The following ICA1 variants were observed in gnomAD, a reference collection of about 807,000 sequenced individuals.
The protein encoded by ICA1 is 69 kDa islet cell autoantigen.
Under a neutral mutation model 71.0 loss-of-function variants are expected in ICA1, and 40 were observed. The observed-to-expected ratio is 0.56, with a 90% confidence interval of 0.44 to 0.73. ICA1 has a LOEUF of 0.73. ICA1 is among the 30% of genes least tolerant of loss of function. The pLI, the probability that ICA1 is intolerant of heterozygous loss-of-function variation, is 0.00. For synonymous variants in ICA1, 207 were observed against 209.5 expected (o/e 0.99, Z 0.10); for missense variants, 578 against 576.5 (o/e 1.00, Z -0.03).
Position 8,114,162 on chromosome 7 carries a change from C to A in ICA1, c.1331-118G>T, listed in dbSNP as rs1033528907. 1.6e-4 allele frequency: 174 copies of A among 1,107,232 alleles called. No individual in the cohort carries two copies. The East Asian group carries it at 3.9e-3, about 25-fold the overall frequency. The allele number at this position is 1,107,232 out of a possible 1,614,324, so 68.6% of individuals were successfully genotyped here. On this transcript the variant is annotated intron_variant, in intron 13 of 13. Coordinates refer to ENST00000402384, the MANE Select transcript of ICA1 (RefSeq NM_001136020.3). Reference sequence around the variant, plus strand: ...GCAGATTGTTCAATCAGACAAATCCCTTTGCACTCTCTCTGACAATAGTTA... The same window carrying A: ...GCAGATTGTTCAATCAGACAAATCCATTTGCACTCTCTCTGACAATAGTTA...
rs566960918 is a variant in ICA1 at position 8,117,686 on chromosome 7, T to C, written c.1331-3642A>G. ...TGTGCTTAAAACTGTATCCTTTTATTGGCATACTCTCGTCACAGTGTTTTT... is the reference window on the plus strand; with the variant it reads ...TGTGCTTAAAACTGTATCCTTTTATCGGCATACTCTCGTCACAGTGTTTTT... On this transcript the variant is annotated intron_variant, in intron 13 of 13. Coordinates refer to ENST00000402384, the MANE Select transcript of ICA1 (RefSeq NM_001136020.3). 2.6e-5 allele frequency among the ~76,000 whole-genome samples: 4 copies of C among 152,342 alleles called. No homozygotes were observed. In the South Asian group the frequency reaches 8.3e-4, roughly 32 times the overall value.
chr7:8,256,342 C>G (rs1272917681), intron 1 of ICA1, among the ~76,000 whole-genome samples: 1 of 152,126 alleles, frequency 6.6e-6, no homozygotes, highest in Non-Finnish European at 1.5e-5. Flanking sequence ...AACACAGGCC[C>G]CTTTACATCC....
chr7:8,255,138 T>C (rs3807810), intron 1 of ICA1, among the ~76,000 whole-genome samples: 71,938 of 152,028 alleles, frequency 0.47, 19,380 homozygotes, highest in African/African-American at 0.74. Flanking sequence ...TTCTCTTTCA[T>C]GTTAATCAAC....
At chr7:8,157,023 A>C in intron 8 of ICA1, 93 bp downstream of exon 8, 1 of 1,608,508 alleles carries the variant, frequency 6.2e-7, no homozygotes, top group Non-Finnish European at 8.5e-7. Context: ...TGAGTCCTGG[A>C]ATAATGATGC....
chr7:8,135,563 G>C (rs1793125849), intron 12 of ICA1, among the ~76,000 whole-genome samples: 1 of 152,142 alleles, frequency 6.6e-6, no homozygotes, highest in Non-Finnish European at 1.5e-5. Context: ...AGTAATATAT[G>C]GACAACTGCA....
chr7:8,124,275 C>T (rs1165505160), intron 13 of ICA1, among the ~76,000 whole-genome samples: 2 of 151,812 alleles, frequency 1.3e-5, no homozygotes, highest in Non-Finnish European at 2.9e-5. Flanking sequence ...CACGCACCAG[C>T]ATGCCCAGCT....
At chr7:8,165,134 C>T (rs528580350) in intron 6 of ICA1, among the ~76,000 whole-genome samples, 1 of 152,270 alleles carries the variant, frequency 6.6e-6, no homozygotes, top group African/African-American at 2.4e-5. Context: ...TATTTGGCTT[C>T]ATTAAAAGAG....
At chr7:8,216,363 G>A (rs1168722694) in intron 6 of ICA1, among the ~76,000 whole-genome samples, 1 of 152,152 alleles carries the variant, frequency 6.6e-6, no homozygotes, top group East Asian at 1.9e-4. Flanking sequence ...AGTACACCAT[G>A]TTTAGCTGTT....
At position 8,232,723 on chromosome 7, in the gene ICA1, G is replaced by C; in HGVS notation, c.50C>G (p.Ala17Gly). 6.2e-7 allele frequency: 1 copy of C among 1,608,080 alleles called. No homozygotes were observed. Among genetic ancestry groups the C allele is most frequent in the South Asian group, 1.1e-5 (1 of 89,404 alleles). ...CTTATTTACAACTGACTTATCTTGAGCATATCGATCCTGTAAGTCCCAGGG... is the reference window on the plus strand; with the variant it reads ...CTTATTTACAACTGACTTATCTTGACCATATCGATCCTGTAAGTCCCAGGG... ...SYPWDLQDRYAQDKSVVNKMQ... is the reference protein window; with the variant it reads ...SYPWDLQDRYGQDKSVVNKMQ... Residue 17 changes from alanine (A) to glycine (G), a missense_variant, in exon 3 of 14, where the codon GCT becomes GGT. Transcript: ENST00000402384.
At chr7:8,179,077 CT>C (rs1781435639) in intron 6 of ICA1, among the ~76,000 whole-genome samples, 1 of 152,172 alleles carries the variant, frequency 6.6e-6, no homozygotes, top group African/African-American at 2.4e-5. Context: ...TGTGCTTTCT[CT>C]TTTTGGGATG....
intron 1 of ICA1, among the ~76,000 whole-genome samples, chr7:8,258,689 C>T (rs1304283458): frequency 6.6e-6 from 1 of 152,234 alleles, no homozygotes; most frequent in Non-Finnish European, 1.5e-5. Flanking sequence ...CACATGTAGT[C>T]TTCCCTGTCC....
chr7:8,159,573 G>A (rs1419118698), intron 6 of ICA1, among the ~76,000 whole-genome samples: 2 of 152,040 alleles, frequency 1.3e-5, no homozygotes, highest in African/African-American at 4.8e-5. Context: ...GGGGTTGCAC[G>A]CCTATAGTCC....
At chr7:8,233,687 C>T (rs1180866307) in intron 2 of ICA1, among the ~76,000 whole-genome samples, 6 of 152,204 alleles carry the variant, frequency 3.9e-5, no homozygotes, top group Admixed American at 1.3e-4. Flanking sequence ...TGAGCCACCG[C>T]GCCCAGCCCC....
chr7:8,214,760 G>GT (rs1324170719), intron 6 of ICA1, among the ~76,000 whole-genome samples: 2 of 152,190 alleles, frequency 1.3e-5, no homozygotes, highest in Admixed American at 1.3e-4. Flanking sequence ...TTAACTTCAG[G>GT]TTTTTCATTC....
At chr7:8,153,160 T>C (rs999858449) in intron 8 of ICA1, among the ~76,000 whole-genome samples, 1 of 152,224 alleles carries the variant, frequency 6.6e-6, no homozygotes, top group Non-Finnish European at 1.5e-5. Flanking sequence ...GCTCCAGAGA[T>C]TGTGCTTTTA....
chr7:8,132,624 A>T lies in ICA1; in HGVS notation c.1061-4482T>A, dbSNP rs1257477563. 6.6e-6 allele frequency among the ~76,000 whole-genome samples: 1 copy of T among 152,138 alleles called. No homozygotes were observed. The highest frequency in any genetic ancestry group is 1.5e-5 in the Non-Finnish European group (1 of 68,032). ...CCTGGAAATGCTGCTATCTCCTGGG[A>T]GTCCCCATGAGGCGGCTCTCTCGGA... On this transcript the variant is annotated intron_variant, in intron 12 of 13. Coordinates refer to ENST00000402384, the MANE Select transcript of ICA1 (RefSeq NM_001136020.3). This position sits in a 1 kb window ranked among gnomAD's most constrained non-coding sequence, Gnocchi z 4.5.
intron 1 of ICA1, among the ~76,000 whole-genome samples, chr7:8,252,068 C>A (rs1218259142): frequency 1.3e-5 from 2 of 152,066 alleles, no homozygotes; most frequent in Non-Finnish European, 2.9e-5. Flanking sequence ...AGAAACAGAA[C>A]AAATGGGTTA....
intron 10 of ICA1, among the ~76,000 whole-genome samples, chr7:8,139,995 A>G (rs1457519784): frequency 6.6e-6 from 1 of 152,374 alleles, no homozygotes; most frequent in East Asian, 1.9e-4. Flanking sequence ...GATGATCGAC[A>G]TTTACAATCT....
At chr7:8,239,161 T>C (rs1165908619) in intron 1 of ICA1, among the ~76,000 whole-genome samples, 2 of 152,216 alleles carry the variant, frequency 1.3e-5, no homozygotes, top group Non-Finnish European at 2.9e-5. Context: ...TCTCTTTTTA[T>C]ATATGTTCTA....
Sources: gnomAD v4.1 joint callset for allele counts (sites outside exome capture counted in the v4.1 genomes callset) on GRCh38, gnomAD v4.1.1 for gene constraint, Gnocchi (gnomAD v3.1) non-coding constraint, MANE v1.5 for transcripts, NCBI Gene and HGNC (gene_info 2026-07-23, HGNC 2026-07-21) for gene names.